The following GLI2 variants were observed in gnomAD, a reference collection of about 807,000 sequenced individuals.
GLI2 encodes GLI family zinc finger 2, also known as transcription activator GLI2.
GLI2 carries 22 observed loss-of-function variants against 78.9 expected under a neutral mutation model. The ratio of observed to expected loss-of-function variants is 0.28; its 90% CI spans 0.20 to 0.40. GLI2 has a LOEUF of 0.40. Among genes scored for constraint, GLI2 ranks in the 10% least tolerant of loss-of-function variants. The pLI, the probability that GLI2 is intolerant of heterozygous loss-of-function variation, is 1.00. For synonymous variants in GLI2, 974 were observed against 963.7 expected, an observed-to-expected ratio of 1.01 and a Z score of -0.20; for missense variants, 2,097 against 2,213.2, an observed-to-expected ratio of 0.95 and a Z score of 1.05.
At chr2:120,916,584 C>T (rs945623359) in intron 2 of GLI2, among the ~76,000 whole-genome samples, 6 of 152,240 alleles carry the variant, frequency 3.9e-5, no homozygotes, top group African/African-American at 1.2e-4. Context: ...GTGGCTTACA[C>T]AGCAGCGCCC....
chr2:120,738,697 G>A (rs780504038), intron 1 of GLI2, among the ~76,000 whole-genome samples: 5 of 152,190 alleles, frequency 3.3e-5, no homozygotes, highest in Non-Finnish European at 7.3e-5. Context: ...GAATTAGAAT[G>A]ATAGTAGAAA....
At chr2:120,952,844 G>A (rs909180627) in intron 4 of GLI2, among the ~76,000 whole-genome samples, 1 of 152,214 alleles carries the variant, frequency 6.6e-6, no homozygotes, top group African/African-American at 2.4e-5. Flanking sequence ...TGGGATTATA[G>A]GTGTGAGCCA....
intron 7 of GLI2, among the ~76,000 whole-genome samples, chr2:120,970,832 A>AATAAGTAG (rs1682114010): frequency 6.6e-6 from 1 of 152,222 alleles, no homozygotes; most frequent in South Asian, 2.1e-4. Context: ...CAAGAAGCAT[A>AATAAGTAG]ATAAGTAGAT....
chr2:120,882,035 A>T (rs1019659212), intron 2 of GLI2, among the ~76,000 whole-genome samples: 2 of 152,110 alleles, frequency 1.3e-5, no homozygotes, highest in African/African-American at 4.8e-5. Flanking sequence ...TCCAGAATAC[A>T]CTATCCAGGT....
At chr2:120,801,078 C>G (rs1349982114) in intron 2 of GLI2, among the ~76,000 whole-genome samples, 1 of 152,142 alleles carries the variant, frequency 6.6e-6, no homozygotes, top group African/African-American at 2.4e-5. Flanking sequence ...GCTAGAATTG[C>G]ATGGCTTGAG....
rs182099895 is a variant in GLI2, at chr2:120,911,777, G to A, written c.149-15584G>A. Reference sequence around the variant, plus strand: ...AAGCTTCCTGGAGGCAGGCTCGTGTGGACTGGGGTTGCTGAGGGCAGGCTG... The same window carrying A: ...AAGCTTCCTGGAGGCAGGCTCGTGTAGACTGGGGTTGCTGAGGGCAGGCTG... On this transcript the variant is annotated intron_variant, in intron 2 of 13. Coordinates refer to ENST00000361492, the MANE Select transcript of GLI2 (RefSeq NM_001374353.1). Among the ~76,000 whole-genome samples the A allele has an allele frequency of 1.6e-3, 238 of 152,126 alleles. 1 individual carries two copies. Among genetic ancestry groups the A allele is most frequent in the African/African-American group, 5.5e-3 (228 of 41,506 alleles).
chr2:120,851,631 G>T (rs987872719), intron 2 of GLI2, among the ~76,000 whole-genome samples: 1 of 152,198 alleles, frequency 6.6e-6, no homozygotes, highest in Admixed American at 6.5e-5. Context: ...AGACTGAAAG[G>T]CCCCACCAGG....
intron 2 of GLI2, among the ~76,000 whole-genome samples, chr2:120,893,411 T>C (rs1320948762): frequency 6.6e-6 from 1 of 150,948 alleles, no homozygotes; most frequent in African/African-American, 2.4e-5. Flanking sequence ...CAGCCCCCGC[T>C]GGCCCTGCTG....
intron 1 of GLI2, among the ~76,000 whole-genome samples, chr2:120,790,768 T>C (rs1056369216): frequency 1.3e-5 from 2 of 152,152 alleles, no homozygotes; most frequent in African/African-American, 4.8e-5. Context: ...TTCGGTTTCA[T>C]GTACAGTGAT....
At chr2:120,772,521 G>T (rs533227233) in intron 1 of GLI2, among the ~76,000 whole-genome samples, 3 of 152,220 alleles carry the variant, frequency 2.0e-5, no homozygotes, top group Non-Finnish European at 2.9e-5. Flanking sequence ...GTCCCCAGGA[G>T]CACCCCGGCT....
rs975973827 is a variant in GLI2 at position 120,927,508 on chromosome 2, C to T, written c.254+42C>T. 13 of 1,367,648 alleles carry T rather than the reference C, an allele frequency of 9.5e-6. No individual in the cohort carries two copies. In the East Asian group the frequency reaches 1.4e-4, roughly 14 times the overall value. The allele number at this position is 1,367,648 out of a possible 1,614,324, so 84.7% of individuals were successfully genotyped here. A position where few individuals can be genotyped will look rare whatever the true frequency, so the allele number is the denominator to read the frequency against. On this transcript the variant is annotated intron_variant, in intron 3 of 13. Coordinates refer to ENST00000361492, the MANE Select transcript of GLI2 (RefSeq NM_001374353.1). Reference sequence around the variant, plus strand: ...GCCTGCTGCTCCTGGCGTGCAGTCACCTGCCATGGGGAGGCTGGGCCGGCA... The same window carrying T: ...GCCTGCTGCTCCTGGCGTGCAGTCATCTGCCATGGGGAGGCTGGGCCGGCA...
chr2:120,916,161 G>T (rs1375957311), intron 2 of GLI2, among the ~76,000 whole-genome samples: 1 of 152,212 alleles, frequency 6.6e-6, no homozygotes, highest in African/African-American at 2.4e-5. Flanking sequence ...TGGCAACAGG[G>T]CCCAGCAACA....
intron 2 of GLI2, among the ~76,000 whole-genome samples, chr2:120,811,470 A>G (rs1467036484): frequency 6.6e-6 from 1 of 152,202 alleles, no homozygotes. Context: ...CAGGGGTGGC[A>G]TCGCTAAGGA....
chr2:120,783,179 C>A (rs2104672798), intron 1 of GLI2, among the ~76,000 whole-genome samples: 1 of 152,294 alleles, frequency 6.6e-6, no homozygotes, highest in South Asian at 2.1e-4. Context: ...CAGTAATGAC[C>A]TTGCCTAGCA....
chr2:120,812,664 C>T (rs367619985), intron 2 of GLI2, among the ~76,000 whole-genome samples: 29 of 152,320 alleles, frequency 1.9e-4, no homozygotes, highest in African/African-American at 7.0e-4. Flanking sequence ...TGGTCTCTGT[C>T]TGGGGACATC....
intron 1 of GLI2, among the ~76,000 whole-genome samples, chr2:120,774,201 A>G (rs1445924939): frequency 1.3e-5 from 2 of 152,080 alleles, no homozygotes; most frequent in African/African-American, 4.8e-5. Context: ...TAACTAGTAC[A>G]AGTGAAAGAT....
chr2:120,988,044 C>A (rs931307121), intron 13 of GLI2, among the ~76,000 whole-genome samples, 164 bp from the exon 14 acceptor site: 1 of 152,212 alleles, frequency 6.6e-6, no homozygotes, highest in African/African-American at 2.4e-5. Context: ...CCTGGGAAAT[C>A]CTGTCTCTAA....
intron 1 of GLI2, among the ~76,000 whole-genome samples, chr2:120,752,080 A>T (rs1027788490): frequency 1.3e-5 from 2 of 152,100 alleles, no homozygotes. Flanking sequence ...CCATTTCTCT[A>T]TTGATATAGA....
intron 2 of GLI2, among the ~76,000 whole-genome samples, chr2:120,891,162 G>A (rs1273834443): frequency 6.6e-6 from 1 of 152,162 alleles, no homozygotes; most frequent in African/African-American, 2.4e-5. Context: ...CACACAGGAA[G>A]GTGCTATGGG....
Sources: gnomAD v4.1 joint callset for allele counts (sites outside exome capture counted in the v4.1 genomes callset) on GRCh38, gnomAD v4.1.1 for gene constraint, MANE v1.5 for transcripts, NCBI Gene and HGNC (gene_info 2026-07-23, HGNC 2026-07-21) for gene names.